PATJ: variants seen among roughly 807,000 people sequenced by gnomAD.
PATJ encodes the protein PATJ crumbs cell polarity complex component, also known as inaD-like protein.
In PATJ, 190 loss-of-function variants were observed where a neutral mutation model predicts 224.9. That is an observed-to-expected ratio of 0.84 (90% confidence interval 0.75 to 0.95). The LOEUF (loss-of-function observed/expected upper bound fraction) is 0.95. PATJ is among the 40% of genes least tolerant of loss of function. The pLI is 0.00. For synonymous variants in PATJ, 769 were observed against 820.3 expected (o/e 0.94, Z 1.07); for missense variants, 2,121 against 2,270.3 (o/e 0.93, Z 1.34).
At chr1:61,959,108 G>A (rs557767287) in intron 27 of PATJ, among the ~76,000 whole-genome samples, 2 of 152,128 alleles carry the variant, frequency 1.3e-5, no homozygotes, top group African/African-American at 2.4e-5. Flanking sequence ...AAAATCCATA[G>A]CTCAAGGGAG....
chr1:61,781,604 A>G (rs758604001), intron 7 of PATJ, among the ~76,000 whole-genome samples: 11 of 152,224 alleles, frequency 7.2e-5, no homozygotes, highest in Non-Finnish European at 1.0e-4. Context: ...AGGAAAGAGC[A>G]TAGGATTATA....
rs753366748 is a variant in PATJ at position 61,772,106 on chromosome 1, GT to G, written c.720+497del. Among the ~76,000 whole-genome samples the G allele has an allele frequency of 3.0e-3, 344 of 115,336 alleles. 1 individual carries two copies. The highest frequency in any genetic ancestry group is 5.4e-3 in the Middle Eastern group (1 of 186). 75.7% of individuals were successfully genotyped at this position (115,336 alleles called of 152,430 possible). ...TTAAACAAGATGTTTCATGACGGTCGTTTTTTTTTTTTTTTTTGTCTTTTCA... is the reference window on the plus strand; with the variant it reads ...TTAAACAAGATGTTTCATGACGGTCGTTTTTTTTTTTTTTTTGTCTTTTCA... On this transcript the variant is annotated intron_variant, in intron 6 of 43. Transcript: ENST00000642238.
chr1:62,069,899 T>A (rs1570436358), intron 31 of PATJ, among the ~76,000 whole-genome samples: 1 of 150,050 alleles, frequency 6.7e-6, no homozygotes, highest in Non-Finnish European at 1.5e-5. Context: ...AATAAAAAAA[T>A]GAAGGTTTCC....
chr1:61,797,292 T>TGGC lies in PATJ; in HGVS notation c.1268_1270dup (p.Gly423dup), dbSNP rs1651543943. 2 of 1,611,714 alleles carry TGGC rather than the reference T, an allele frequency of 1.2e-6. No homozygotes were observed. The highest frequency in any genetic ancestry group is 1.3e-5 in the African/African-American group (1 of 74,916). ...TGTTTCTCTTGATGTTTTAGGTCGA[T>TGGC]GGCGTGAACATTCAGGGTTTTGCCA... On this transcript the variant is annotated inframe_insertion, in exon 11 of 44. Transcript: ENST00000642238.
chr1:61,778,207 A>C (rs372807787), intron 7 of PATJ, among the ~76,000 whole-genome samples: 3 of 152,144 alleles, frequency 2.0e-5, no homozygotes, highest in East Asian at 3.9e-4. Context: ...TTGTAGAGAC[A>C]GTCTCGCTTT....
intron 41 of PATJ, among the ~76,000 whole-genome samples, chr1:62,142,248 C>T (rs753817111): frequency 6.6e-6 from 1 of 152,170 alleles, no homozygotes; most frequent in Non-Finnish European, 1.5e-5. Context: ...CCACTACATC[C>T]TGAATTGATT....
chr1:62,049,266 C>T (rs1653141249), intron 30 of PATJ, among the ~76,000 whole-genome samples: 1 of 149,142 alleles, frequency 6.7e-6, no homozygotes, highest in African/African-American at 2.5e-5. Context: ...CACACACACA[C>T]ACACACACAC....
At chr1:62,097,500 C>T (rs988951688) in intron 33 of PATJ, among the ~76,000 whole-genome samples, 1 of 152,116 alleles carries the variant, frequency 6.6e-6, no homozygotes, top group African/African-American at 2.4e-5. Context: ...GGACTGGCCT[C>T]CTGGAGGATG....
At chr1:61,834,829 A>G (rs1033703438) in intron 17 of PATJ, among the ~76,000 whole-genome samples, 3 of 152,010 alleles carry the variant, frequency 2.0e-5, no homozygotes, top group Non-Finnish European at 4.4e-5. Flanking sequence ...CCCTGGTTCA[A>G]GTGATTCTAC....
At chr1:61,938,417 C>T (rs1057151337) in intron 27 of PATJ, among the ~76,000 whole-genome samples, 1 of 152,106 alleles carries the variant, frequency 6.6e-6, no homozygotes, top group Non-Finnish European at 1.5e-5. Flanking sequence ...AACAAAACAG[C>T]TATCTATCTG....
intron 18 of PATJ, among the ~76,000 whole-genome samples, chr1:61,860,784 A>G (rs1354243961): frequency 6.6e-6 from 1 of 150,782 alleles, no homozygotes; most frequent in Non-Finnish European, 1.5e-5. Context: ...CCAAGATTAC[A>G]CCACTGCACT....
chr1:61,935,058 A>G (rs149573070), intron 27 of PATJ, among the ~76,000 whole-genome samples: 65 of 152,344 alleles, frequency 4.3e-4, no homozygotes, highest in African/African-American at 1.4e-3. Context: ...AAATGCTTTT[A>G]CAACAGCCAG....
intron 33 of PATJ, among the ~76,000 whole-genome samples, chr1:62,105,189 T>C (rs1490732637): frequency 1.3e-5 from 2 of 152,158 alleles, no homozygotes; most frequent in Non-Finnish European, 2.9e-5. Context: ...CGCCAGAAAA[T>C]ATCTAAGGAT....
chr1:61,971,195 T>C (rs530616764), intron 27 of PATJ, among the ~76,000 whole-genome samples: 6 of 152,342 alleles, frequency 3.9e-5, no homozygotes, highest in African/African-American at 1.4e-4. Flanking sequence ...CAGGATTTCA[T>C]GGCTAGAAAG....
chr1:62,046,294 T>C (rs1189844821), intron 30 of PATJ, among the ~76,000 whole-genome samples: 1 of 152,174 alleles, frequency 6.6e-6, no homozygotes, highest in Non-Finnish European at 1.5e-5. Context: ...TACCTCATTT[T>C]AGCATAAACA....
intron 17 of PATJ, among the ~76,000 whole-genome samples, chr1:61,837,337 T>G (rs1660338194): frequency 6.6e-6 from 1 of 152,332 alleles, no homozygotes; most frequent in Non-Finnish European, 1.5e-5. Context: ...CTAGTTAGAT[T>G]ACAAAAATTA....
chr1:61,813,365 A>T lies in PATJ; in HGVS notation c.1683+4835A>T, dbSNP rs971846810. 1.7e-3 allele frequency among the ~76,000 whole-genome samples: 81 copies of T among 48,340 alleles called. 1 individual carries two copies. Among genetic ancestry groups the T allele is most frequent in the African/African-American group, 5.1e-3 (67 of 13,108 alleles). The allele number at this position is 48,340 out of a possible 152,430, so 31.7% of individuals were successfully genotyped here. On this transcript the variant is annotated intron_variant, in intron 14 of 43. Coordinates refer to ENST00000642238, the MANE Select transcript of PATJ (RefSeq NM_001350145.3). ...TATATATATATATATATATATATAT[A>T]TATATATATATATACACACACACAC...
At chr1:61,897,268 G>T (rs1205588715) in intron 22 of PATJ, among the ~76,000 whole-genome samples, 2 of 152,190 alleles carry the variant, frequency 1.3e-5, no homozygotes, top group African/African-American at 4.8e-5. Context: ...GAACAAGCAA[G>T]TGATAGGTTA....
intron 21 of PATJ, among the ~76,000 whole-genome samples, chr1:61,881,254 A>G (rs1668050795): frequency 6.6e-6 from 1 of 152,158 alleles, no homozygotes; most frequent in African/African-American, 2.4e-5. Context: ...TGAAGAATAC[A>G]TAAGGCAGGT....
Sources: allele counts gnomAD v4.1 joint callset (sites outside exome capture counted in the v4.1 genomes callset), GRCh38; gene constraint gnomAD v4.1.1; transcripts MANE v1.5; gene names NCBI Gene and HGNC (gene_info 2026-07-23, HGNC 2026-07-21).